Variants in BAZ2B observed in about 807,000 individuals in gnomAD.
BAZ2B encodes the protein bromodomain adjacent to zinc finger domain 2B, also known as bromodomain adjacent to zinc finger domain protein 2B.
Under a neutral mutation model 246.0 loss-of-function variants are expected in BAZ2B, and 91 were observed. The ratio of observed to expected loss-of-function variants is 0.37; its 90% CI spans 0.31 to 0.44. The LOEUF is 0.44. BAZ2B is among the 20% of genes least tolerant of loss of function. BAZ2B has a pLI of 1.00. For missense variants in BAZ2B, 2,332 were observed against 2,533.7 expected (o/e 0.92, Z 1.71); for synonymous variants, 855 against 860.0 (o/e 0.99, Z 0.10).
At chr2:159,516,321 G>C (rs2083440919) in intron 2 of BAZ2B, 1 of 151,968 alleles carries the variant, frequency 6.6e-6, no homozygotes, top group South Asian at 2.1e-4. Flanking sequence ...TTATCCTTTC[G>C]ATTCAGAGCA....
upstream of BAZ2B, among the ~76,000 whole-genome samples, chr2:159,618,739 T>A (rs911814898): frequency 8.5e-5 from 13 of 152,128 alleles, no homozygotes; most frequent in African/African-American, 3.1e-4. Context: ...GTTGAAAATA[T>A]TTAATTTTGA....
intron 3 of BAZ2B, among the ~76,000 whole-genome samples, chr2:159,471,605 A>G (rs1192697135): frequency 6.6e-6 from 1 of 152,126 alleles, no homozygotes; most frequent in African/African-American, 2.4e-5. Context: ...CCCCCTAAAA[A>G]GAAGGTGTTT....
At chr2:159,360,032 T>C (rs1040436097) in intron 27 of BAZ2B, among the ~76,000 whole-genome samples, 3 of 152,216 alleles carry the variant, frequency 2.0e-5, no homozygotes, top group African/African-American at 7.2e-5. Flanking sequence ...AGCATTCCCT[T>C]TGAATACTGG....
chr2:159,660,728 T>A, the BAZ2B span, among the ~76,000 whole-genome samples: 4 of 152,230 alleles, frequency 2.6e-5, no homozygotes, highest in South Asian at 8.3e-4. Context: ...GCCTCCTGAG[T>A]AGCTGGGATT....
At chr2:159,429,340 A>T (rs575341009) in intron 10 of BAZ2B, 80 bp from the exon 11 acceptor site, 1 of 817,474 alleles carries the variant, frequency 1.2e-6, no homozygotes, top group African/African-American at 1.7e-5. Flanking sequence ...ACTTTTCTTT[A>T]AAAAAGTATA....
chr2:159,592,656 TC>T (rs1190704437), intron 1 of BAZ2B, among the ~76,000 whole-genome samples: 1 of 152,038 alleles, frequency 6.6e-6, no homozygotes, highest in African/African-American at 2.4e-5. Flanking sequence ...AAGAACTAAG[TC>T]CTCCCACCAA....
At chr2:159,652,605 G>A in the BAZ2B span, among the ~76,000 whole-genome samples, 1 of 152,212 alleles carries the variant, frequency 6.6e-6, no homozygotes. Context: ...ATGATGTTGA[G>A]CATGCAAGAA....
At chr2:159,588,315 C>T (rs1688532985) in intron 1 of BAZ2B, among the ~76,000 whole-genome samples, 1 of 151,414 alleles carries the variant, frequency 6.6e-6, no homozygotes, top group Non-Finnish European at 1.5e-5. Flanking sequence ...TTTTCATCTA[C>T]AATATAAGAT....
At chr2:159,608,651 A>G (rs1578911099) in intron 1 of BAZ2B, among the ~76,000 whole-genome samples, 2 of 152,348 alleles carry the variant, frequency 1.3e-5, no homozygotes, top group Admixed American at 1.3e-4. Context: ...GAAGACATAA[A>G]ATAATTTACA....
At position 159,448,299 on chromosome 2, in the gene BAZ2B, A is replaced by T. The variant is rs1333269825; in HGVS notation, c.445T>A (p.Ser149Thr). The T allele has an allele frequency of 6.2e-7, 1 of 1,613,314 alleles. No homozygotes were observed. The highest frequency in any genetic ancestry group is 1.3e-5 in the African/African-American group (1 of 74,966). ...GAAGTCCTTGAATGGAATGAAGAAG[A>T]ATCATGATTCTGGGCTGGGGGAGCA... ...LFAPPAQNHD[S>T]SSFHSRTSGK... Residue 149 changes from serine (S) to threonine (T), a missense_variant, in exon 5 of 37, where the codon TCT (serine) becomes ACT (threonine). Ser to Thr is a moderately conservative substitution (Grantham distance 58, BLOSUM62 1). Transcript: ENST00000392783.
intron 1 of BAZ2B, among the ~76,000 whole-genome samples, chr2:159,613,255 G>A (rs912339038): frequency 2.6e-5 from 4 of 152,014 alleles, no homozygotes; most frequent in Admixed American, 6.6e-5. Flanking sequence ...AGACTGAAGA[G>A]TTTAGAAGTA....
chr2:159,373,393 G>A (rs2061063182), intron 26 of BAZ2B, among the ~76,000 whole-genome samples: 1 of 152,138 alleles, frequency 6.6e-6, no homozygotes, highest in South Asian at 2.1e-4. Context: ...AATTATTTTT[G>A]TTGCCATGGA....
chr2:159,321,730 G>A (rs1373872759), intron 36 of BAZ2B: 1 of 152,202 alleles, frequency 6.6e-6, no homozygotes. Flanking sequence ...CATGGAAACA[G>A]AGTAGAAGGA....
At chr2:159,567,869 G>A (rs1200058574) in intron 1 of BAZ2B, among the ~76,000 whole-genome samples, 1 of 152,178 alleles carries the variant, frequency 6.6e-6, no homozygotes, top group Non-Finnish European at 1.5e-5. Context: ...CTACTCGGGA[G>A]GCTGAGGCAG....
At chr2:159,474,830 G>T (rs1056547851) in intron 3 of BAZ2B, among the ~76,000 whole-genome samples, 5 of 152,046 alleles carry the variant, frequency 3.3e-5, no homozygotes, top group African/African-American at 1.2e-4. Context: ...AGTTTGGCGG[G>T]GTATGAAATT....
chr2:159,322,918 C>T (rs772183926), intron 36 of BAZ2B, among the ~76,000 whole-genome samples: 33 of 152,052 alleles, frequency 2.2e-4, no homozygotes, highest in Non-Finnish European at 4.4e-4. Flanking sequence ...CAGACTGTTT[C>T]CTTCTCTCTT....
chr2:159,349,339 T>C (rs897088715), intron 28 of BAZ2B, 59 bp from the exon 29 acceptor site: 12 of 1,446,756 alleles, frequency 8.3e-6, no homozygotes, highest in Non-Finnish European at 1.0e-5. Context: ...TTAGGAAAAA[T>C]GTTTGGAATA....
chr2:159,668,381 T>A, the BAZ2B span, among the ~76,000 whole-genome samples: 1 of 152,270 alleles, frequency 6.6e-6, no homozygotes, highest in African/African-American at 2.4e-5. Flanking sequence ...GGTCATTCTT[T>A]CCATGTTTCT....
intron 16 of BAZ2B, among the ~76,000 whole-genome samples, chr2:159,401,000 G>GCA (rs1459088531): frequency 2.6e-5 from 4 of 151,882 alleles, no homozygotes; most frequent in African/African-American, 9.7e-5. Flanking sequence ...GCCAAGATGT[G>GCA]CCACTGCACT....
Sources: allele counts gnomAD v4.1 joint callset (sites outside exome capture counted in the v4.1 genomes callset), GRCh38; gene constraint gnomAD v4.1.1; transcripts MANE v1.5; gene names NCBI Gene and HGNC (gene_info 2026-07-23, HGNC 2026-07-21).